The following APAF1 variants were observed in gnomAD, a reference collection of about 807,000 sequenced individuals.
APAF1 encodes the protein apoptotic protease-activating factor 1.
A neutral mutation model predicts 152.4 loss-of-function variants in APAF1; 91 were observed. That is an observed-to-expected ratio of 0.60 (90% CI 0.50 to 0.71). APAF1 has a LOEUF of 0.71. APAF1 is among the 30% of genes least tolerant of loss of function. APAF1 has a pLI of 0.00. For synonymous variants in APAF1, 484 were observed against 494.1 expected (o/e 0.98, Z 0.27); for missense variants, 1,283 against 1,472.0 (o/e 0.87, Z 2.10).
In APAF1 at chr12:98,707,805, C is replaced by T. The variant is rs112363625; in HGVS notation, c.2722-780C>T. Among the ~76,000 whole-genome samples the T allele has an allele frequency of 7.5e-4, 114 of 152,052 alleles. 1 individual carries two copies. The highest frequency in any genetic ancestry group is 2.6e-3 in the African/African-American group (106 of 41,502). ...GAAAGGTCATTGGTTCTTAACATGCCAGTCTCAATGAGCTTGAGCCAGAAT... is the reference window on the plus strand; with the variant it reads ...GAAAGGTCATTGGTTCTTAACATGCTAGTCTCAATGAGCTTGAGCCAGAAT... On this transcript the variant is annotated intron_variant, in intron 19 of 26. Coordinates refer to ENST00000551964, the MANE Select transcript of APAF1 (RefSeq NM_181861.2).
chr12:98,721,153 C>T (rs1251693834), intron 22 of APAF1, among the ~76,000 whole-genome samples: 1 of 152,152 alleles, frequency 6.6e-6, no homozygotes, highest in Non-Finnish European at 1.5e-5. Flanking sequence ...ATTCAATTAG[C>T]ACAGTGTGTT....
intron 17 of APAF1, among the ~76,000 whole-genome samples, chr12:98,701,011 A>G (rs2097714895): frequency 6.6e-6 from 1 of 151,912 alleles, no homozygotes; most frequent in African/African-American, 2.4e-5. Flanking sequence ...TTTTCTTACA[A>G]ACCAGTGTTT....
At chr12:98,672,817 C>A (rs113828905) in intron 12 of APAF1, among the ~76,000 whole-genome samples, 1 of 151,596 alleles carries the variant, frequency 6.6e-6, no homozygotes, top group Non-Finnish European at 1.5e-5. Context: ...TGCAATGGCA[C>A]GATCTCCGCT....
chr12:98,672,683 A>G (rs2097681753), intron 12 of APAF1, among the ~76,000 whole-genome samples: 1 of 152,106 alleles, frequency 6.6e-6, no homozygotes, highest in South Asian at 2.1e-4. Flanking sequence ...GCCTGTTATA[A>G]TGCTACATAA....
chr12:98,674,157 A>T (rs2097683970), intron 12 of APAF1, among the ~76,000 whole-genome samples: 1 of 151,996 alleles, frequency 6.6e-6, no homozygotes, highest in Admixed American at 6.6e-5. Context: ...TACCATGCCT[A>T]ATTTTTTATT....
intron 21 of APAF1, 193 bp downstream of exon 21, chr12:98,712,628 C>T (rs1210040140): frequency 5.5e-5 from 31 of 559,946 alleles, no homozygotes; most frequent in Non-Finnish European, 7.9e-5. Flanking sequence ...GTGATTTTCC[C>T]ACTTAAGCCT....
chr12:98,703,628 C>A, intron 18 of APAF1, 129 bp downstream of exon 18: 3 of 1,133,730 alleles, frequency 2.6e-6, no homozygotes, highest in South Asian at 1.3e-5. Flanking sequence ...TTCTTTATAG[C>A]CTAATGACCT....
intron 22 of APAF1, among the ~76,000 whole-genome samples, chr12:98,720,722 T>C (rs896506864): frequency 6.6e-6 from 1 of 152,184 alleles, no homozygotes; most frequent in African/African-American, 2.4e-5. Context: ...TCCCGGCACT[T>C]TGGGAGGCCG....
intron 1 of APAF1, among the ~76,000 whole-genome samples, chr12:98,647,709 T>G (rs1469837809): frequency 1.3e-5 from 2 of 150,172 alleles, no homozygotes; most frequent in African/African-American, 4.9e-5. Context: ...GTTTCTGTTT[T>G]TTTTTTTTTT....
chr12:98,656,169 C>T (rs1441523950), intron 4 of APAF1, among the ~76,000 whole-genome samples: 1 of 152,164 alleles, frequency 6.6e-6, no homozygotes, highest in Non-Finnish European at 1.5e-5. Flanking sequence ...CTCAAGCAGT[C>T]TGTCTACCTT....
Position 98,659,752 on chromosome 12 carries a change from G to GAAAA in APAF1, c.710+426_710+429dup, listed in dbSNP as rs34536171. 1.9e-3 allele frequency among the ~76,000 whole-genome samples: 169 copies of GAAAA among 89,582 alleles called. 4 individuals carry two copies. In the East Asian group the frequency reaches 0.039, roughly 21 times the overall value. 58.8% of individuals were successfully genotyped at this position (89,582 alleles called of 152,430 possible). A position where few individuals can be genotyped will look rare whatever the true frequency, so the allele number is the denominator to read the frequency against. The stretch of plus-strand genomic sequence containing the variant: ...GGGCAATAAGAGTGAAACTCCATCA[G>GAAAA]AAAAAAAAAAAAAAAAAAAAGAGAG... On this transcript the variant is annotated intron_variant, in intron 5 of 26. Coordinates refer to ENST00000551964, the MANE Select transcript of APAF1 (RefSeq NM_181861.2).
intron 20 of APAF1, among the ~76,000 whole-genome samples, chr12:98,710,179 GT>G (rs71443529): frequency 0.097 from 12,320 of 127,654 alleles, 452 homozygotes; most frequent in East Asian, 0.24. Context: ...CGGCCTAAGG[GT>G]TTTTTTTTTT....
chr12:98,723,401 ATTAC>A (rs2097745828), intron 23 of APAF1, 89 bp downstream of exon 23: 3 of 1,416,692 alleles, frequency 2.1e-6, no homozygotes, highest in Non-Finnish European at 2.9e-6. Context: ...TGTGAGGCTA[ATTAC>A]TTACTTAAAA....
rs112605025 is a variant in APAF1, at chr12:98,648,505, T to C, written c.138+8T>C. On this transcript the variant is annotated splice_region_variant and intron_variant, in intron 2 of 26. Coordinates refer to ENST00000551964, the MANE Select transcript of APAF1 (RefSeq NM_181861.2). ...GAAAAAGTAAGAAATGAGGTAAAGC[T>C]CTCTGAAGCAGTCCACACTTCCTTA... 6.2e-7 allele frequency: 1 copy of C among 1,612,888 alleles called. No individual in the cohort carries two copies. Among genetic ancestry groups the C allele is most frequent in the Non-Finnish European group, 8.5e-7 (1 of 1,179,568 alleles).
intron 18 of APAF1, among the ~76,000 whole-genome samples, chr12:98,705,225 C>A (rs1159813194): frequency 7.9e-5 from 12 of 152,116 alleles, no homozygotes; most frequent in Admixed American, 7.9e-4. Context: ...TAGCAATCTC[C>A]AGGAAACAAT....
At chr12:98,661,487 A>G (rs1401456848) in intron 5 of APAF1, among the ~76,000 whole-genome samples, 2 of 151,364 alleles carry the variant, frequency 1.3e-5, no homozygotes, top group African/African-American at 4.9e-5. Flanking sequence ...TTTTATTTTT[A>G]TTTTTTTAGA....
intron 16 of APAF1, among the ~76,000 whole-genome samples, chr12:98,691,248 CCCTTTCCTTCT>C (rs2097703906): frequency 6.6e-6 from 1 of 151,752 alleles, no homozygotes; most frequent in African/African-American, 2.4e-5. Flanking sequence ...TACTGTTCCT[CCCTTTCCTTCT>C]TTTCCTGGCA....
intron 4 of APAF1, among the ~76,000 whole-genome samples, chr12:98,650,502 G>GTT (rs754633677): frequency 1.4e-5 from 2 of 140,294 alleles, no homozygotes; most frequent in Non-Finnish European, 3.1e-5. Flanking sequence ...AAAGTTTTTT[G>GTT]TTTTTTTTTT....
chr12:98,703,949 C>T (rs1041204027), intron 18 of APAF1, among the ~76,000 whole-genome samples: 3 of 152,164 alleles, frequency 2.0e-5, no homozygotes, highest in Non-Finnish European at 2.9e-5. Context: ...TTGCCAGGCA[C>T]TAATGAATAA....
Sources: allele counts gnomAD v4.1 joint callset (sites outside exome capture counted in the v4.1 genomes callset), GRCh38; gene constraint gnomAD v4.1.1; transcripts MANE v1.5; gene names NCBI Gene and HGNC (gene_info 2026-07-23, HGNC 2026-07-21).